XPNPEP3: variants seen among roughly 807,000 people sequenced by gnomAD.
XPNPEP3 encodes X-prolyl aminopeptidase 3.
A neutral mutation model predicts 60.0 loss-of-function variants in XPNPEP3; 41 were observed. The ratio of observed to expected loss-of-function variants is 0.68; its 90% CI spans 0.53 to 0.89. The LOEUF is 0.89. Among genes scored for constraint, XPNPEP3 ranks in the 40% least tolerant of loss-of-function variants. XPNPEP3 has a pLI of 0.00. For synonymous variants in XPNPEP3, 212 were observed against 223.2 expected (o/e 0.95, Z 0.45); for missense variants, 598 against 638.9 (o/e 0.94, Z 0.69).
chr22:40,894,120 C>G (rs1042129242), intron 4 of XPNPEP3, among the ~76,000 whole-genome samples: 1 of 152,126 alleles, frequency 6.6e-6, no homozygotes, highest in Non-Finnish European at 1.5e-5. Context: ...CTATAGTAGA[C>G]TATGATACAG....
At chr22:40,903,329 G>A (rs1278659034) in intron 4 of XPNPEP3, among the ~76,000 whole-genome samples, 1 of 151,992 alleles carries the variant, frequency 6.6e-6, no homozygotes, top group Non-Finnish European at 1.5e-5. Context: ...TTCCTCATAT[G>A]TTATATTTCC....
chr22:40,909,625 C>A (rs139568000), intron 6 of XPNPEP3, among the ~76,000 whole-genome samples: 1 of 151,694 alleles, frequency 6.6e-6, no homozygotes, highest in African/African-American at 2.4e-5. Flanking sequence ...ATTAGCCAGG[C>A]GTGGTGGCAC....
intron 2 of XPNPEP3, among the ~76,000 whole-genome samples, chr22:40,881,404 C>T (rs1005302837): frequency 4.0e-5 from 6 of 148,954 alleles, no homozygotes; most frequent in Non-Finnish European, 7.4e-5. Context: ...TTCAGTGAGC[C>T]GAGATCATGC....
chr22:40,916,545 A>G (rs181255713), intron 7 of XPNPEP3, among the ~76,000 whole-genome samples: 277 of 152,306 alleles, frequency 1.8e-3, no homozygotes, highest in Non-Finnish European at 3.3e-3. Context: ...AACACTAGGT[A>G]GTATTTGTTA....
intron 2 of XPNPEP3, 38 bp from the exon 3 acceptor site, chr22:40,881,732 C>T: frequency 6.2e-7 from 1 of 1,611,094 alleles, no homozygotes; most frequent in Non-Finnish European, 8.5e-7. Flanking sequence ...TTTGGCACTG[C>T]AGAAATGTAA....
intron 3 of XPNPEP3, among the ~76,000 whole-genome samples, chr22:40,884,510 T>G (rs2058060915): frequency 6.6e-6 from 1 of 151,474 alleles, no homozygotes; most frequent in Admixed American, 6.6e-5. Flanking sequence ...TTCTGTTTTT[T>G]TTTAGTAGAG....
At chr22:40,894,214 A>G (rs868129830) in intron 4 of XPNPEP3, among the ~76,000 whole-genome samples, 2 of 152,154 alleles carry the variant, frequency 1.3e-5, no homozygotes, top group East Asian at 1.9e-4. Flanking sequence ...AGGGGATTTC[A>G]TAAGTTCTTT....
At chr22:40,880,934 G>A (rs890306914) in intron 2 of XPNPEP3, among the ~76,000 whole-genome samples, 3 of 152,042 alleles carry the variant, frequency 2.0e-5, no homozygotes, top group African/African-American at 7.2e-5. Flanking sequence ...GAGAAAATGG[G>A]GAGTAACTGC....
intron 4 of XPNPEP3, among the ~76,000 whole-genome samples, chr22:40,891,652 CAAA>C (rs753299355): frequency 1.8e-5 from 2 of 113,916 alleles, no homozygotes; most frequent in Non-Finnish European, 3.7e-5. Flanking sequence ...GACTCCATCT[CAAA>C]AAAAAAAAAA....
intron 1 of XPNPEP3, chr22:40,862,194 G>T: frequency 7.3e-7 from 1 of 1,376,078 alleles, no homozygotes; most frequent in Non-Finnish European, 9.4e-7. Flanking sequence ...GTCAGAGAGG[G>T]CTGCATTATG....
In XPNPEP3 at chr22:40,926,745, G is replaced by A. The variant is rs1901802263; in HGVS notation, c.*310G>A. ...TGGTTACACATGTCCATGCATTCCAGTTAACACATTTAAACATATAGAAAA... is the reference window on the plus strand; with the variant it reads ...TGGTTACACATGTCCATGCATTCCAATTAACACATTTAAACATATAGAAAA... On this transcript the variant is annotated 3_prime_UTR_variant, in exon 10 of 10. Transcript: ENST00000357137. The A allele has an allele frequency of 6.2e-5, 25 of 401,526 alleles. No individual in the cohort carries two copies. The highest frequency in any genetic ancestry group is 5.4e-4 in the South Asian group (24 of 44,270). The allele number at this position is 401,526 out of a possible 1,614,324, so 24.9% of individuals were successfully genotyped here. A position where few individuals can be genotyped will look rare whatever the true frequency, so the allele number is the denominator to read the frequency against.
intron 4 of XPNPEP3, among the ~76,000 whole-genome samples, chr22:40,906,941 A>G (rs1429514717): frequency 6.6e-6 from 1 of 152,140 alleles, no homozygotes; most frequent in Non-Finnish European, 1.5e-5. Flanking sequence ...GAAAATCAAG[A>G]GGGGCCAAAC....
intron 6 of XPNPEP3, among the ~76,000 whole-genome samples, chr22:40,911,853 A>G (rs1332434056): frequency 1.3e-5 from 2 of 152,098 alleles, no homozygotes; most frequent in African/African-American, 4.8e-5. Context: ...TGTAATTCCT[A>G]TAGTATAGAG....
chr22:40,861,563 A>C, intron 1 of XPNPEP3: 2 of 1,613,460 alleles, frequency 1.2e-6, no homozygotes, highest in Non-Finnish European at 1.7e-6. Context: ...CAAAAATTGG[A>C]TATTCACTGG....
intron 4 of XPNPEP3, among the ~76,000 whole-genome samples, chr22:40,899,981 C>T (rs1291431125): frequency 6.6e-6 from 1 of 152,066 alleles, no homozygotes; most frequent in Non-Finnish European, 1.5e-5. Flanking sequence ...AGGAGAATCA[C>T]TTGAACCTAG....
In XPNPEP3 at chr22:40,922,358, T is replaced by C. The variant is rs773576522; in HGVS notation, c.1081T>C (p.Tyr361His). 3.1e-6 allele frequency: 5 copies of C among 1,613,790 alleles called. No homozygotes were observed. The highest frequency in any genetic ancestry group is 3.3e-5 in the Admixed American group (2 of 59,964). Residue 361 changes from tyrosine (Y) to histidine (H), a missense_variant, in exon 8 of 10, where the codon TAT becomes CAT. Coordinates refer to ENST00000357137, the MANE Select transcript of XPNPEP3 (RefSeq NM_022098.4). ...GTTCACCGCACCTCAGGCAGAACTC[T>C]ATGAAGCCGTTCTAGAGATCCAAAG... Reference protein sequence around the residue: ...GRFTAPQAELYEAVLEIQRDC... With the variant: ...GRFTAPQAELHEAVLEIQRDC...
chr22:40,932,276 C>T lies in XPNPEP3; in HGVS notation c.*5841C>T, dbSNP rs539354670. 1.4e-4 allele frequency: 21 copies of T among 151,900 alleles called. No individual in the cohort carries two copies. The highest frequency in any genetic ancestry group is 4.8e-4 in the African/African-American group (20 of 41,448). The allele number at this position is 151,900 out of a possible 1,614,324, so 9.4% of individuals were successfully genotyped here. ...TGTGTCTATTAGAAAATTAGGCAGG[C>T]ACCACAGACAGTAGCAACATAAAGG... On this transcript the variant is annotated 3_prime_UTR_variant, in exon 10 of 10. Transcript: ENST00000357137.
chr22:40,932,560 A>G lies in XPNPEP3; in HGVS notation c.*6125A>G, dbSNP rs1000654462. On this transcript the variant is annotated 3_prime_UTR_variant, in exon 10 of 10. Coordinates refer to ENST00000357137, the MANE Select transcript of XPNPEP3 (RefSeq NM_022098.4). The stretch of plus-strand genomic sequence containing the variant: ...TACCTGTGTGTCACTGAGTTTGAGC[A>G]TCATTATTGTTTGAATCAGAGGACC... The G allele has an allele frequency of 6.6e-6, 1 of 152,142 alleles. No individual in the cohort carries two copies. The highest frequency in any genetic ancestry group is 1.5e-5 in the Non-Finnish European group (1 of 68,038). The allele number at this position is 152,142 out of a possible 1,614,324, so 9.4% of individuals were successfully genotyped here. A position where few individuals can be genotyped will look rare whatever the true frequency, so the allele number is the denominator to read the frequency against.
rs1232701854 is a variant in XPNPEP3 at position 40,926,738 on chromosome 22, C to T, written c.*303C>T. On this transcript the variant is annotated 3_prime_UTR_variant, in exon 10 of 10. Coordinates refer to ENST00000357137, the MANE Select transcript of XPNPEP3 (RefSeq NM_022098.4). ...AAGGTCTTGGTTACACATGTCCATG[C>T]ATTCCAGTTAACACATTTAAACATA... 7.2e-6 allele frequency: 3 copies of T among 418,442 alleles called. No homozygotes were observed. The highest frequency in any genetic ancestry group is 1.3e-5 in the Non-Finnish European group (3 of 224,554). 25.9% of individuals were successfully genotyped at this position (418,442 alleles called of 1,614,324 possible). A position where few individuals can be genotyped will look rare whatever the true frequency, so the allele number is the denominator to read the frequency against.
Sources: gnomAD v4.1 joint callset for allele counts (sites outside exome capture counted in the v4.1 genomes callset) on GRCh38, gnomAD v4.1.1 for gene constraint, MANE v1.5 for transcripts, NCBI Gene and HGNC (gene_info 2026-07-23, HGNC 2026-07-21) for gene names.